The following SAMD4A variants were observed in gnomAD, a reference collection of about 807,000 sequenced individuals.
The protein encoded by SAMD4A is sterile alpha motif domain containing 4A.
Under a neutral mutation model 81.3 loss-of-function variants are expected in SAMD4A, and 33 were observed. The ratio of observed to expected loss-of-function variants is 0.41; its 90% CI spans 0.31 to 0.54. SAMD4A has a LOEUF of 0.54. Among genes scored for constraint, SAMD4A ranks in the 20% least tolerant of loss-of-function variants. The pLI is 0.37. For synonymous variants in SAMD4A, 389 were observed against 382.1 expected (o/e 1.02, Z -0.21); for missense variants, 854 against 951.1 (o/e 0.90, Z 1.34).
At chr14:54,620,525 A>G (rs2034591233) in intron 2 of SAMD4A, among the ~76,000 whole-genome samples, 1 of 152,220 alleles carries the variant, frequency 6.6e-6, no homozygotes, top group Non-Finnish European at 1.5e-5. Context: ...AAATGATAAT[A>G]AATGCCACAG....
intron 2 of SAMD4A, chr14:54,693,795 G>C (rs983351382): frequency 6.6e-6 from 1 of 152,282 alleles, no homozygotes; most frequent in Admixed American, 6.5e-5. Flanking sequence ...TAAGCATACT[G>C]TACAGCAGGT....
At chr14:54,680,476 T>C (rs991420902) in intron 2 of SAMD4A, among the ~76,000 whole-genome samples, 2 of 152,242 alleles carry the variant, frequency 1.3e-5, no homozygotes, top group Non-Finnish European at 1.5e-5. Context: ...GGGCTATTCT[T>C]TTCCTGTGTC....
chr14:54,596,591 A>T (rs1413768288), intron 2 of SAMD4A, among the ~76,000 whole-genome samples: 1 of 152,246 alleles, frequency 6.6e-6, no homozygotes, highest in Non-Finnish European at 1.5e-5. Context: ...TCTCAAAAAA[A>T]AGAAAACAAG....
chr14:54,751,107 C>G (rs1033835374), intron 5 of SAMD4A, among the ~76,000 whole-genome samples: 1 of 151,988 alleles, frequency 6.6e-6, no homozygotes, highest in African/African-American at 2.4e-5. Context: ...ACTAAAAATA[C>G]AAAAATTAGC....
chr14:54,593,741 G>C (rs894137567), intron 2 of SAMD4A, among the ~76,000 whole-genome samples: 2 of 152,180 alleles, frequency 1.3e-5, no homozygotes, highest in East Asian at 1.9e-4. Flanking sequence ...TGATTTAAAT[G>C]TATATTTTGA....
At chr14:54,785,332 C>A (rs2139988258) in intron 12 of SAMD4A, among the ~76,000 whole-genome samples, 1 of 152,366 alleles carries the variant, frequency 6.6e-6, no homozygotes, top group East Asian at 1.9e-4. Flanking sequence ...CATGCTTGGT[C>A]ACAGCAGCCC....
chr14:54,623,296 C>T (rs1474933009), intron 2 of SAMD4A, among the ~76,000 whole-genome samples: 2 of 152,076 alleles, frequency 1.3e-5, no homozygotes, highest in African/African-American at 4.8e-5. Context: ...GCTCCCACTT[C>T]CAGCTTCTCA....
intron 2 of SAMD4A, among the ~76,000 whole-genome samples, chr14:54,607,980 C>T (rs1365321793): frequency 4.2e-5 from 6 of 141,874 alleles, no homozygotes; most frequent in Non-Finnish European, 9.0e-5. Context: ...CACACCAGTA[C>T]ACTCCAGCTT....
intron 2 of SAMD4A, among the ~76,000 whole-genome samples, chr14:54,606,468 G>A (rs1335240842): frequency 6.6e-6 from 1 of 152,188 alleles, no homozygotes; most frequent in African/African-American, 2.4e-5. Flanking sequence ...TTGGGTGGCG[G>A]GGGGAGGAGT....
intron 2 of SAMD4A, among the ~76,000 whole-genome samples, chr14:54,678,433 T>TGTGTGTGTGTGTGTGTGTGTGTG (rs2036040355): frequency 3.7e-5 from 3 of 81,250 alleles, no homozygotes; most frequent in African/African-American, 5.9e-5. Flanking sequence ...CAGTCACCAT[T>TGTGTGTGTGTGTGTGTGTGTGTG]TGTGTGTGTG....
chr14:54,602,396 A>G (rs1166963873), intron 2 of SAMD4A, among the ~76,000 whole-genome samples: 1 of 151,658 alleles, frequency 6.6e-6, no homozygotes, highest in Non-Finnish European at 1.5e-5. Flanking sequence ...GATAGCACAG[A>G]CAGTGGCTTT....
rs779379007 is a variant in SAMD4A, at chr14:54,751,465, T to C, written c.1104T>C (p.Gly368=). 3.1e-6 allele frequency: 5 copies of C among 1,593,504 alleles called. No homozygotes were observed. In the South Asian group the frequency reaches 4.5e-5, roughly 14 times the overall value. The change falls in exon 6 of 13, where the codon GGT becomes GGC. Residue 368 remains glycine (G), a synonymous_variant. Transcript: ENST00000554335. ...CQLEAQNVTK[G]ARHKIVISIQ... ...TTTAATTACAGAATGTTACCAAAGG[T>C]GCAAGACACAAAATTGTCATCAGTA... is the stretch of plus-strand genomic sequence containing the variant.
intron 4 of SAMD4A, among the ~76,000 whole-genome samples, chr14:54,742,934 C>G (rs2037880256): frequency 6.6e-6 from 1 of 152,166 alleles, no homozygotes; most frequent in Non-Finnish European, 1.5e-5. Context: ...AACTTTTTCT[C>G]TCTGTAGTAA....
At chr14:54,634,450 A>G (rs1452694642) in intron 2 of SAMD4A, among the ~76,000 whole-genome samples, 1 of 152,130 alleles carries the variant, frequency 6.6e-6, no homozygotes, top group East Asian at 1.9e-4. Context: ...GGTTTCATGG[A>G]AGACAAAGTT....
chr14:54,728,168 G>A (rs2037473265), intron 3 of SAMD4A, among the ~76,000 whole-genome samples: 1 of 152,204 alleles, frequency 6.6e-6, no homozygotes, highest in African/African-American at 2.4e-5. Context: ...TGAGTTGAGA[G>A]CAATTACGTA....
intron 5 of SAMD4A, among the ~76,000 whole-genome samples, chr14:54,750,069 G>A (rs1432511486): frequency 6.6e-6 from 1 of 152,104 alleles, no homozygotes; most frequent in Non-Finnish European, 1.5e-5. Flanking sequence ...ATTGCTCCTT[G>A]AAATCCCAGG....
At chr14:54,770,271 C>T in intron 9 of SAMD4A, 49 bp downstream of exon 9, 1 of 1,286,166 alleles carries the variant, frequency 7.8e-7, no homozygotes, top group South Asian at 1.2e-5. Flanking sequence ...CCCCTGGCGC[C>T]TTGTTGCCTA....
chr14:54,646,548 C>T (rs1269980726), intron 2 of SAMD4A, among the ~76,000 whole-genome samples: 1 of 152,148 alleles, frequency 6.6e-6, no homozygotes, highest in South Asian at 2.1e-4. Flanking sequence ...ATTTAGAAGC[C>T]GTAGCAAGAG....
Position 54,775,034 on chromosome 14 carries a change from G to T in SAMD4A, c.1816G>T (p.Val606Phe). The change falls in exon 10 of 13, where the codon GTC becomes TTC. Residue 606 changes from valine to phenylalanine, a missense_variant. This residue lies in a region of SAMD4A where 428 missense variants were observed against 471.2 expected (regional missense o/e 0.91). Coordinates refer to ENST00000554335, the MANE Select transcript of SAMD4A (RefSeq NM_015589.6). ...CCAGTACCAGATCCCCTCTCGGAACGTCCCTTCCGCCCGCCTGGGCCTCTT... is the reference window on the plus strand; with the variant it reads ...CCAGTACCAGATCCCCTCTCGGAACTTCCCTTCCGCCCGCCTGGGCCTCTT... ...PRQYQIPSRN[V>F]PSARLGLLGT... 4 of 1,614,200 alleles carry T rather than the reference G, an allele frequency of 2.5e-6. No homozygotes were observed. Among genetic ancestry groups the T allele is most frequent in the Non-Finnish European group, 3.4e-6 (4 of 1,180,036 alleles).
Sources: allele counts gnomAD v4.1 joint callset (sites outside exome capture counted in the v4.1 genomes callset), GRCh38; gene constraint gnomAD v4.1.1; regional missense constraint gnomAD v4.1.1; transcripts MANE v1.5; gene names NCBI Gene and HGNC (gene_info 2026-07-23, HGNC 2026-07-21).